The following ARMC9 variants were observed in gnomAD, a reference collection of about 807,000 sequenced individuals.
ARMC9 encodes armadillo repeat containing 9.
ARMC9 carries 94 observed loss-of-function variants against 107.0 expected under a neutral mutation model. The observed-to-expected ratio is 0.88, with a 90% CI of 0.74 to 1.04. ARMC9 has a LOEUF of 1.04. Ranked by LOEUF, ARMC9 falls within the 50% of genes least tolerant of loss-of-function variation. The probability of loss-of-function intolerance (pLI) is 0.00; values close to 1 mark genes in which losing one functional copy is unlikely to be tolerated. For synonymous variants in ARMC9, 380 were observed against 396.9 expected, an observed-to-expected ratio of 0.96 and a Z score of 0.51; for missense variants, 942 against 1,030.1, an observed-to-expected ratio of 0.91 and a Z score of 1.17.
At chr2:231,237,349 A>G (rs1251623079) in intron 8 of ARMC9, among the ~76,000 whole-genome samples, 1 of 152,136 alleles carries the variant, frequency 6.6e-6, no homozygotes, top group Non-Finnish European at 1.5e-5. Flanking sequence ...ATTCTTATAC[A>G]CAATTGCATT....
At chr2:231,315,258 G>T (rs1390342599) in intron 19 of ARMC9, among the ~76,000 whole-genome samples, 1 of 127,536 alleles carries the variant, frequency 7.8e-6, no homozygotes, top group African/African-American at 3.4e-5. Flanking sequence ...AAAAAAAAAT[G>T]CTGGACGCAG....
intron 19 of ARMC9, among the ~76,000 whole-genome samples, chr2:231,306,407 C>T (rs941766015): frequency 6.6e-6 from 1 of 151,860 alleles, no homozygotes; most frequent in African/African-American, 2.4e-5. Flanking sequence ...GAGAATAATC[C>T]AATGTGAATA....
intron 3 of ARMC9, among the ~76,000 whole-genome samples, chr2:231,214,171 G>A (rs929168986): frequency 1.3e-5 from 2 of 152,222 alleles, no homozygotes; most frequent in Non-Finnish European, 2.9e-5. Flanking sequence ...TGGTCAAACG[G>A]CACTGAGCCG....
In ARMC9 at chr2:231,262,378, G is replaced by A. The variant is rs2038450848; in HGVS notation, c.1099G>A (p.Asp367Asn). Residue 367 changes from aspartate (D) to asparagine (N), a missense_variant, in exon 12 of 25, where the codon GAC (aspartate) becomes AAC (asparagine). By Grantham distance (23) the Asp-to-Asn change is conservative. Coordinates refer to ENST00000611582, the MANE Select transcript of ARMC9 (RefSeq NM_001352754.2). ...AGCCTACATCAGCAATGACCTCTTGGACTGTTATAGCCACAACCAGGTTGG... is the reference window on the plus strand; with the variant it reads ...AGCCTACATCAGCAATGACCTCTTGAACTGTTATAGCCACAACCAGGTTGG... ...LQAYISNDLL[D>N]CYSHNQRSVL... 2 of 1,614,114 alleles carry A rather than the reference G, an allele frequency of 1.2e-6. No individual in the cohort carries two copies. The highest frequency in any genetic ancestry group is 1.7e-6 in the Non-Finnish European group (2 of 1,179,980).
At chr2:231,352,680 TAGATAGATAGA>T (rs1277006778) in intron 21 of ARMC9, among the ~76,000 whole-genome samples, 5 of 150,270 alleles carry the variant, frequency 3.3e-5, no homozygotes, top group Non-Finnish European at 7.4e-5. Flanking sequence ...GATAGATAGA[TAGATAGATAGA>T]TAGATAGATA....
At chr2:231,323,011 A>T (rs1375284216) in intron 19 of ARMC9, among the ~76,000 whole-genome samples, 1 of 152,134 alleles carries the variant, frequency 6.6e-6, no homozygotes, top group South Asian at 2.1e-4. Flanking sequence ...CCAGGCTTGC[A>T]TTGAGAGAGG....
intron 7 of ARMC9, among the ~76,000 whole-genome samples, chr2:231,227,534 G>A (rs947629891): frequency 1.3e-5 from 2 of 152,212 alleles, no homozygotes; most frequent in Admixed American, 6.5e-5. Flanking sequence ...TGTTCCATGC[G>A]CCAGCACATT....
chr2:231,265,277 C>T (rs1363016900), intron 12 of ARMC9, among the ~76,000 whole-genome samples: 4 of 152,116 alleles, frequency 2.6e-5, no homozygotes, highest in Non-Finnish European at 5.9e-5. Context: ...GAAAAGAAGT[C>T]ATTATATGAA....
At chr2:231,283,270 G>A (rs1378897150) in intron 17 of ARMC9, among the ~76,000 whole-genome samples, 2 of 152,036 alleles carry the variant, frequency 1.3e-5, no homozygotes, top group African/African-American at 2.4e-5. Context: ...CAAATGGGGC[G>A]GAAAAATGAT....
intron 1 of ARMC9, among the ~76,000 whole-genome samples, chr2:231,203,206 G>A (rs368121576): frequency 7.9e-5 from 12 of 152,290 alleles, no homozygotes; most frequent in African/African-American, 1.7e-4. Context: ...CCACTGGAAT[G>A]TCTAACAGGC....
At chr2:231,312,749 T>A (rs1462654254) in intron 19 of ARMC9, among the ~76,000 whole-genome samples, 1 of 152,168 alleles carries the variant, frequency 6.6e-6, no homozygotes, top group Non-Finnish European at 1.5e-5. Flanking sequence ...CTTACCACGC[T>A]CTATCCTCAG....
chr2:231,297,483 C>A lies in ARMC9; in HGVS notation c.1773+1230C>A, dbSNP rs1462578218. On this transcript the variant is annotated intron_variant, in intron 19 of 24. Coordinates refer to ENST00000611582, the MANE Select transcript of ARMC9 (RefSeq NM_001352754.2). This position sits in a 1 kb window ranked among gnomAD's most constrained non-coding sequence, Gnocchi z 4.2. ...GCTTGCAGGCCACACAGTCTCTGTT[C>A]CAACCACTCAATTCTGCCATTGTAA... Among the ~76,000 whole-genome samples the A allele has an allele frequency of 2.0e-5, 3 of 152,184 alleles. No homozygotes were observed. Among genetic ancestry groups the A allele is most frequent in the Non-Finnish European group, 4.4e-5 (3 of 68,030 alleles).
intron 12 of ARMC9, chr2:231,270,453 A>C (rs997571769): frequency 8.3e-6 from 3 of 362,122 alleles, no homozygotes; most frequent in African/African-American, 4.3e-5. Context: ...TGAGTAATGG[A>C]AATTGGGTAA....
At chr2:231,250,740 C>T (rs551365819) in intron 9 of ARMC9, among the ~76,000 whole-genome samples, 10 of 152,100 alleles carry the variant, frequency 6.6e-5, no homozygotes, top group South Asian at 4.2e-4. Flanking sequence ...TGAGCAGATG[C>T]GATTTTTACA....
At chr2:231,278,260 C>T (rs1261235572) in intron 15 of ARMC9, 122 bp from the exon 16 acceptor site, 1 of 897,442 alleles carries the variant, frequency 1.1e-6, no homozygotes, top group Non-Finnish European at 1.8e-6. Context: ...GGTCATACAG[C>T]TCACCCGAGG....
intron 9 of ARMC9, among the ~76,000 whole-genome samples, chr2:231,250,742 A>AT: frequency 6.6e-6 from 1 of 152,148 alleles, no homozygotes; most frequent in Admixed American, 6.5e-5. Flanking sequence ...AGCAGATGCG[A>AT]TTTTTACAAA....
At chr2:231,276,466 C>T (rs2039762425) in intron 14 of ARMC9, among the ~76,000 whole-genome samples, 170 bp from the exon 15 acceptor site, 1 of 152,114 alleles carries the variant, frequency 6.6e-6, no homozygotes, top group Admixed American at 6.6e-5. Context: ...GACGGGGTTT[C>T]ACCATGTTGG....
chr2:231,302,170 T>C (rs969761535), intron 19 of ARMC9, among the ~76,000 whole-genome samples: 1 of 152,008 alleles, frequency 6.6e-6, no homozygotes, highest in African/African-American at 2.4e-5. Flanking sequence ...TTATATAAGG[T>C]TTGAAGTAAC....
At chr2:231,314,040 A>C (rs1483576495) in intron 19 of ARMC9, among the ~76,000 whole-genome samples, 1 of 148,088 alleles carries the variant, frequency 6.8e-6, no homozygotes, top group Admixed American at 6.8e-5. Context: ...GATTACAGGC[A>C]TGAGCCACCA....
Sources: allele counts gnomAD v4.1 joint callset (sites outside exome capture counted in the v4.1 genomes callset), GRCh38; gene constraint gnomAD v4.1.1; non-coding constraint Gnocchi (gnomAD v3.1); transcripts MANE v1.5; gene names NCBI Gene and HGNC (gene_info 2026-07-23, HGNC 2026-07-21).